The following LDLRAD3 variants were observed in gnomAD, a reference collection of about 807,000 sequenced individuals.
The protein encoded by LDLRAD3 is low-density lipoprotein receptor class A domain-containing protein 3.
A neutral mutation model predicts 29.4 loss-of-function variants in LDLRAD3; 20 were observed. The ratio of observed to expected loss-of-function variants is 0.68; its 90% CI spans 0.48 to 0.99. The LOEUF (loss-of-function observed/expected upper bound fraction) is 0.99. Ranked by LOEUF, LDLRAD3 falls within the 50% of genes least tolerant of loss-of-function variation. LDLRAD3 has a pLI of 0.00. For synonymous variants in LDLRAD3, 157 were observed against 192.7 expected (o/e 0.81, Z 1.53); for missense variants, 420 against 454.3 (o/e 0.92, Z 0.69).
chr11:36,081,797 A>G lies in LDLRAD3; in HGVS notation c.319+19A>G. 6.2e-7 allele frequency: 1 copy of G among 1,613,994 alleles called. No individual in the cohort carries two copies. Among genetic ancestry groups the G allele is most frequent in the South Asian group, 1.1e-5 (1 of 91,050 alleles). On this transcript the variant is annotated intron_variant, in intron 3 of 5. Coordinates refer to ENST00000315571, the MANE Select transcript of LDLRAD3 (RefSeq NM_174902.4). The stretch of plus-strand genomic sequence containing the variant: ...AACTGCAGTAAGTGCTGCGCACTTG[A>G]ACACTGTGATCCCTTGTTCTTTCCC...
chr11:35,983,814 G>A (rs888113441), intron 1 of LDLRAD3, among the ~76,000 whole-genome samples: 2 of 151,872 alleles, frequency 1.3e-5, no homozygotes, highest in East Asian at 3.9e-4. Flanking sequence ...TAGTAGACAC[G>A]GGGTTTCACC....
At chr11:36,036,586 T>C (rs1392941081) in intron 2 of LDLRAD3, among the ~76,000 whole-genome samples, 2 of 152,062 alleles carry the variant, frequency 1.3e-5, no homozygotes, top group African/African-American at 4.8e-5. Context: ...TGCAGCATCT[T>C]AAAACCAGCA....
At chr11:36,171,235 A>G (rs1854595096) in intron 4 of LDLRAD3, among the ~76,000 whole-genome samples, 1 of 152,004 alleles carries the variant, frequency 6.6e-6, no homozygotes, top group Non-Finnish European at 1.5e-5. Flanking sequence ...ATTTTCTCCC[A>G]TTCTGTTGGG....
chr11:36,053,977 A>G (rs1422809778), intron 2 of LDLRAD3, among the ~76,000 whole-genome samples: 1 of 152,204 alleles, frequency 6.6e-6, no homozygotes, highest in Non-Finnish European at 1.5e-5. Context: ...CCTGTAGGGT[A>G]TATTTCAGAA....
At chr11:35,999,945 G>T (rs1851802467) in intron 1 of LDLRAD3, among the ~76,000 whole-genome samples, 1 of 152,172 alleles carries the variant, frequency 6.6e-6, no homozygotes, top group Admixed American at 6.5e-5. Flanking sequence ...CTCATTGCAG[G>T]TCTGTCTGCA....
chr11:36,032,224 A>G (rs1313307288), intron 1 of LDLRAD3, among the ~76,000 whole-genome samples: 2 of 152,184 alleles, frequency 1.3e-5, no homozygotes, highest in African/African-American at 4.8e-5. Flanking sequence ...GGGGGACACA[A>G]TTGAGCCTGT....
intron 4 of LDLRAD3, among the ~76,000 whole-genome samples, chr11:36,218,894 G>A (rs746257820): frequency 6.6e-6 from 1 of 152,206 alleles, no homozygotes; most frequent in Non-Finnish European, 1.5e-5. Flanking sequence ...ATACTATGTG[G>A]CTGTTCTTTC....
At chr11:36,112,352 A>G (rs899615320) in intron 4 of LDLRAD3, among the ~76,000 whole-genome samples, 2 of 152,224 alleles carry the variant, frequency 1.3e-5, no homozygotes, top group Admixed American at 6.5e-5. Context: ...ATACACAACC[A>G]TCTCTTTGAC....
chr11:36,017,410 T>A (rs764154690), intron 1 of LDLRAD3, among the ~76,000 whole-genome samples: 4 of 152,246 alleles, frequency 2.6e-5, no homozygotes, highest in East Asian at 1.9e-4. Flanking sequence ...AAAAAACTGT[T>A]GCCATGACCT....
At chr11:35,991,016 G>C (rs1851682467) in intron 1 of LDLRAD3, among the ~76,000 whole-genome samples, 2 of 152,198 alleles carry the variant, frequency 1.3e-5, no homozygotes, top group African/African-American at 4.8e-5. Flanking sequence ...TGCTGTTGTA[G>C]AGTGTTTGGC....
chr11:36,194,419 C>G (rs939815002), intron 4 of LDLRAD3, among the ~76,000 whole-genome samples: 9 of 152,152 alleles, frequency 5.9e-5, no homozygotes, highest in Admixed American at 2.6e-4. Context: ...TATTGTGTAT[C>G]TGGAAGGAGA....
chr11:36,152,353 G>A (rs565087873), intron 4 of LDLRAD3, among the ~76,000 whole-genome samples: 26 of 152,274 alleles, frequency 1.7e-4, no homozygotes, highest in African/African-American at 4.8e-4. Flanking sequence ...TTCAGCTTTC[G>A]TCTCATTTTA....
At chr11:35,959,665 T>C (rs1293260029) in intron 1 of LDLRAD3, among the ~76,000 whole-genome samples, 2 of 152,160 alleles carry the variant, frequency 1.3e-5, no homozygotes, top group Non-Finnish European at 2.9e-5. Flanking sequence ...CTCATACCTA[T>C]AATCTTAGCA....
chr11:36,150,960 C>T (rs1386598566), intron 4 of LDLRAD3, among the ~76,000 whole-genome samples: 1 of 151,968 alleles, frequency 6.6e-6, no homozygotes, highest in African/African-American at 2.4e-5. Flanking sequence ...ACACAATAGC[C>T]CCTCATTGCC....
chr11:35,948,939 T>C (rs541759036), intron 1 of LDLRAD3, among the ~76,000 whole-genome samples: 14 of 152,320 alleles, frequency 9.2e-5, no homozygotes, highest in African/African-American at 3.1e-4. Context: ...ATTGCCACGT[T>C]GCCCCTAGTT....
chr11:36,154,877 GTCCCTC>G (rs1854325897), intron 4 of LDLRAD3, among the ~76,000 whole-genome samples: 1 of 152,128 alleles, frequency 6.6e-6, no homozygotes, highest in African/African-American at 2.4e-5. Flanking sequence ...TCTACCACAA[GTCCCTC>G]TCCCAGGAGC....
chr11:36,228,104 G>A (rs370759724), intron 5 of LDLRAD3, among the ~76,000 whole-genome samples: 4 of 152,170 alleles, frequency 2.6e-5, no homozygotes, highest in African/African-American at 7.2e-5. Context: ...CAGTGGGCCC[G>A]TTTCCTGATC....
Position 36,189,686 on chromosome 11 carries a change from G to A in LDLRAD3, c.455-37399G>A, listed in dbSNP as rs893028005. Reference sequence around the variant, plus strand: ...GTTGGTGTGCTGCACCCATTAACTCGTCATTTACATTAGGTATATCTCCTA... The same window carrying A: ...GTTGGTGTGCTGCACCCATTAACTCATCATTTACATTAGGTATATCTCCTA... On this transcript the variant is annotated intron_variant, in intron 4 of 5. Transcript: ENST00000315571. 3.5e-3 allele frequency among the ~76,000 whole-genome samples: 530 copies of A among 151,844 alleles called. 21 individuals are homozygous for A. The highest frequency in any genetic ancestry group is 0.034 in the Admixed American group (524 of 15,276).
At chr11:35,969,579 G>A (rs571296163) in intron 1 of LDLRAD3, among the ~76,000 whole-genome samples, 1 of 152,322 alleles carries the variant, frequency 6.6e-6, no homozygotes, top group East Asian at 1.9e-4. Context: ...GAGCTTTCTT[G>A]CCTGGCTCTC....
Sources: allele counts gnomAD v4.1 joint callset (sites outside exome capture counted in the v4.1 genomes callset), GRCh38; gene constraint gnomAD v4.1.1; transcripts MANE v1.5; gene names NCBI Gene and HGNC (gene_info 2026-07-23, HGNC 2026-07-21).